Variants in DAB1 observed in about 807,000 individuals in gnomAD.
DAB1 encodes disabled homolog 1.
DAB1 carries 15 observed loss-of-function variants against 64.6 expected under a neutral mutation model. That is an observed-to-expected ratio of 0.23 (90% CI 0.16 to 0.36). The LOEUF is 0.36. DAB1 is among the 10% of genes least tolerant of loss of function. DAB1 has a pLI of 1.00. For missense variants in DAB1, 596 were observed against 706.7 expected, an observed-to-expected ratio of 0.84 and a Z score of 1.78; for synonymous variants, 235 against 251.9, an observed-to-expected ratio of 0.93 and a Z score of 0.64.
intron 4 of DAB1, among the ~76,000 whole-genome samples, chr1:58,218,989 T>TTCTCTCTCTCTCTCTCTCTC (rs1049058578): frequency 8.7e-5 from 11 of 125,924 alleles, no homozygotes; most frequent in African/African-American, 2.7e-4. Flanking sequence ...ATTCTGGCCA[T>TTCTCTCTCTCTCTCTCTCTC]TCTCTCTCTC....
chr1:57,147,906 G>A (rs1224142302), intron 2 of DAB1, among the ~76,000 whole-genome samples: 2 of 152,186 alleles, frequency 1.3e-5, no homozygotes, highest in African/African-American at 4.8e-5. Context: ...CCTGAACTTA[G>A]ATTTGTCTCA....
Position 58,195,400 on chromosome 1 carries a change from G to C in DAB1, n.310-44812C>G, listed in dbSNP as rs1289398026. ...TGGGTACAATGAGTGCAAAGACATA[G>C]AGGCACAAAGACAAAGTGACACAGA... On this transcript the variant is annotated intron_variant and non_coding_transcript_variant, in intron 4 of 20. Transcript: ENST00000485760. Among the ~76,000 whole-genome samples, 4 of 152,168 alleles carry C rather than the reference G, an allele frequency of 2.6e-5. 1 individual carries two copies. The East Asian group carries it at 7.7e-4, about 29-fold the overall frequency.
At chr1:58,308,788 C>T (rs957744909) in intron 4 of DAB1, among the ~76,000 whole-genome samples, 12 of 152,150 alleles carry the variant, frequency 7.9e-5, no homozygotes, top group African/African-American at 2.7e-4. Flanking sequence ...GTTCCTTACC[C>T]GGTAAAAAAC....
At chr1:57,665,748 A>G (rs962948872) in intron 6 of DAB1, among the ~76,000 whole-genome samples, 2 of 152,076 alleles carry the variant, frequency 1.3e-5, no homozygotes, top group Admixed American at 6.6e-5. Flanking sequence ...GTACACTCAA[A>G]CACACCCACA....
chr1:57,292,906 G>T (rs1036582507), intron 1 of DAB1, among the ~76,000 whole-genome samples: 1 of 152,062 alleles, frequency 6.6e-6, no homozygotes, highest in South Asian at 2.1e-4. Flanking sequence ...ATTCATCTTT[G>T]CTTGGAAGGG....
intron 5 of DAB1, among the ~76,000 whole-genome samples, chr1:57,901,006 C>A (rs1210862969): frequency 1.4e-5 from 2 of 145,256 alleles, no homozygotes; most frequent in African/African-American, 2.5e-5. Context: ...AGAACACTTA[C>A]AAAGTACTTT....
At chr1:57,529,592 T>C (rs1242218200) in intron 7 of DAB1, among the ~76,000 whole-genome samples, 3 of 152,058 alleles carry the variant, frequency 2.0e-5, no homozygotes, top group Non-Finnish European at 4.4e-5. Context: ...CCTGACACAA[T>C]AGATTTCAAG....
chr1:57,792,780 A>G (rs1271275923), intron 6 of DAB1, among the ~76,000 whole-genome samples: 1 of 152,094 alleles, frequency 6.6e-6, no homozygotes, highest in Non-Finnish European at 1.5e-5. Flanking sequence ...GTTTCCTTTT[A>G]TTTATGTACC....
chr1:57,539,828 G>A (rs1002881459), intron 7 of DAB1, among the ~76,000 whole-genome samples: 13 of 152,168 alleles, frequency 8.5e-5, no homozygotes, highest in African/African-American at 3.1e-4. Flanking sequence ...CTTCTTTACA[G>A]CAAACTTGGG....
At chr1:57,759,206 C>A (rs1341209798) in intron 6 of DAB1, among the ~76,000 whole-genome samples, 1 of 152,146 alleles carries the variant, frequency 6.6e-6, no homozygotes, top group African/African-American at 2.4e-5. Flanking sequence ...GGGGTCACTG[C>A]ATGGCCCAAT....
chr1:57,898,507 G>T (rs1041456249), intron 5 of DAB1, among the ~76,000 whole-genome samples: 3 of 152,110 alleles, frequency 2.0e-5, no homozygotes, highest in Admixed American at 2.0e-4. Flanking sequence ...GAAATACCAT[G>T]TACACAACAG....
intron 1 of DAB1, among the ~76,000 whole-genome samples, chr1:57,408,026 A>G (rs1396054209): frequency 6.6e-6 from 1 of 152,148 alleles, no homozygotes; most frequent in Non-Finnish European, 1.5e-5. Flanking sequence ...TGGTGACTTT[A>G]CAATATTGTA....
chr1:58,028,687 C>T (rs752536372), intron 5 of DAB1, among the ~76,000 whole-genome samples: 1 of 152,118 alleles, frequency 6.6e-6, no homozygotes, highest in African/African-American at 2.4e-5. Context: ...GTATGTCTGT[C>T]GATGACCATA....
intron 9 of DAB1, among the ~76,000 whole-genome samples, chr1:57,035,796 TCTC>T (rs1454702442): frequency 1.3e-5 from 2 of 151,550 alleles, no homozygotes; most frequent in African/African-American, 2.4e-5. Flanking sequence ...ATTATTATCT[TCTC>T]CTATTTTTGG....
At chr1:57,778,443 C>T (rs371390745) in intron 6 of DAB1, among the ~76,000 whole-genome samples, 7 of 151,864 alleles carry the variant, frequency 4.6e-5, no homozygotes, top group East Asian at 2.0e-4. Flanking sequence ...GTTTTCACCT[C>T]GTCTGTTGAC....
chr1:58,139,398 G>C (rs1046516632), intron 5 of DAB1, among the ~76,000 whole-genome samples: 2 of 152,134 alleles, frequency 1.3e-5, no homozygotes, highest in African/African-American at 4.8e-5. Context: ...GGAGGTCTCA[G>C]GAAAATTACG....
At chr1:57,085,100 A>G (rs1652941512) in intron 4 of DAB1, among the ~76,000 whole-genome samples, 1 of 152,220 alleles carries the variant, frequency 6.6e-6, no homozygotes, top group Non-Finnish European at 1.5e-5. Flanking sequence ...ATAAATTCTT[A>G]CCCTCAGTTC....
At chr1:58,440,888 G>C (rs778664260) in intron 3 of DAB1, among the ~76,000 whole-genome samples, 2 of 152,188 alleles carry the variant, frequency 1.3e-5, no homozygotes, top group Non-Finnish European at 2.9e-5. Flanking sequence ...GTAACATCAA[G>C]AAAAGGGAAG....
chr1:57,770,775 A>G (rs549382586), intron 6 of DAB1, among the ~76,000 whole-genome samples: 2 of 152,146 alleles, frequency 1.3e-5, no homozygotes, highest in Non-Finnish European at 2.9e-5. Flanking sequence ...ATAAACAACT[A>G]TTGGCACTTA....
Sources: allele counts gnomAD v4.1 joint callset (sites outside exome capture counted in the v4.1 genomes callset), GRCh38; gene constraint gnomAD v4.1.1; transcripts MANE v1.5; gene names NCBI Gene and HGNC (gene_info 2026-07-23, HGNC 2026-07-21).